The following MTR variants were observed in gnomAD, a reference collection of about 807,000 sequenced individuals.
The protein encoded by MTR is methionine synthase.
MTR carries 84 observed loss-of-function variants against 154.8 expected under a neutral mutation model. That is an observed-to-expected ratio of 0.54 (90% confidence interval 0.45 to 0.65). The LOEUF (loss-of-function observed/expected upper bound fraction) is 0.65. Among genes scored for constraint, MTR ranks in the 30% least tolerant of loss-of-function variants. MTR has a pLI of 0.00. For missense variants in MTR, 1,275 were observed against 1,570.2 expected (o/e 0.81, Z 3.18); for synonymous variants, 554 against 553.9 (o/e 1.00, Z 0.00).
intron 13 of MTR, among the ~76,000 whole-genome samples, chr1:236,835,327 T>G (rs1662843587): frequency 6.6e-6 from 1 of 151,846 alleles, no homozygotes; most frequent in South Asian, 2.1e-4. Flanking sequence ...GAAAACAGCT[T>G]TGGTGGATTC....
intron 25 of MTR, 132 bp downstream of exon 25, chr1:236,880,968 T>C: frequency 3.3e-6 from 3 of 905,234 alleles, no homozygotes; most frequent in Non-Finnish European, 5.4e-6. Flanking sequence ...CTGAGGCTCA[T>C]GGTGTGCCTC....
chr1:236,838,721 C>A, intron 15 of MTR, 122 bp downstream of exon 15: 1 of 983,630 alleles, frequency 1.0e-6, no homozygotes, highest in South Asian at 1.4e-5. Flanking sequence ...TTTCCATATA[C>A]ATTCATGTAC....
chr1:236,807,146 G>A (rs1661031393), intron 3 of MTR, among the ~76,000 whole-genome samples: 1 of 152,062 alleles, frequency 6.6e-6, no homozygotes, highest in Non-Finnish European at 1.5e-5. Flanking sequence ...TTAATTTTTT[G>A]AGGAACTGCC....
intron 19 of MTR, 102 bp downstream of exon 19, chr1:236,860,024 C>G: frequency 1.1e-6 from 1 of 908,566 alleles, no homozygotes; most frequent in Non-Finnish European, 1.7e-6. Context: ...ATGCCTAGAC[C>G]ACTGATTCTC....
intron 15 of MTR, among the ~76,000 whole-genome samples, chr1:236,845,789 A>G (rs1198620971): frequency 6.6e-6 from 1 of 152,344 alleles, no homozygotes; most frequent in East Asian, 1.9e-4. Context: ...AAAATCCTGT[A>G]TACTTTCAAA....
intron 24 of MTR, among the ~76,000 whole-genome samples, chr1:236,877,948 T>A (rs762783880): frequency 3.9e-5 from 6 of 152,246 alleles, no homozygotes; most frequent in Non-Finnish European, 8.8e-5. Flanking sequence ...CTCTGCTGAG[T>A]AATGATGTTG....
At chr1:236,835,510 T>C (rs1218015198) in intron 13 of MTR, 37 bp from the exon 14 acceptor site, 4 of 1,612,244 alleles carry the variant, frequency 2.5e-6, no homozygotes, top group Non-Finnish European at 2.5e-6. Flanking sequence ...CTAGTAACTG[T>C]CTCCTAATGC....
intron 1 of MTR, among the ~76,000 whole-genome samples, chr1:236,798,014 G>T (rs1660498926): frequency 6.6e-6 from 1 of 151,828 alleles, no homozygotes; most frequent in Admixed American, 6.6e-5. Context: ...TAGCAAGTCT[G>T]TGCAAACTAG....
chr1:236,887,681 GGTCC>G (rs1039094261), intron 27 of MTR, among the ~76,000 whole-genome samples: 1 of 152,242 alleles, frequency 6.6e-6, no homozygotes, highest in African/African-American at 2.4e-5. Flanking sequence ...GCTACTGCAG[GGTCC>G]GCCCTGCTGC....
chr1:236,868,824 T>C (rs538951107), intron 22 of MTR, among the ~76,000 whole-genome samples: 1 of 152,276 alleles, frequency 6.6e-6, no homozygotes, highest in South Asian at 2.1e-4. Context: ...TTCAGCTGAG[T>C]GAGGAACATG....
intron 29 of MTR, among the ~76,000 whole-genome samples, chr1:236,893,689 G>T (rs751613964): frequency 6.6e-6 from 1 of 152,160 alleles, no homozygotes; most frequent in Non-Finnish European, 1.5e-5. Flanking sequence ...TACCTTAGTT[G>T]CAGGGAAGAG....
intron 28 of MTR, among the ~76,000 whole-genome samples, chr1:236,890,168 G>A (rs1666238703): frequency 6.6e-6 from 1 of 152,158 alleles, no homozygotes; most frequent in Non-Finnish European, 1.5e-5. Context: ...GCCTGGGTGT[G>A]CGTGTTCGGA....
chr1:236,844,167 C>T (rs1324359936), intron 15 of MTR, among the ~76,000 whole-genome samples: 2 of 151,910 alleles, frequency 1.3e-5, no homozygotes, highest in African/African-American at 2.4e-5. Context: ...CCCTTGGAAG[C>T]CAAGTGAAGA....
intron 22 of MTR, among the ~76,000 whole-genome samples, chr1:236,866,614 A>G (rs1664837582): frequency 6.6e-6 from 1 of 152,248 alleles, no homozygotes; most frequent in Non-Finnish European, 1.5e-5. Context: ...AAAAACTGAA[A>G]TAGGCTGAAA....
chr1:236,803,705 C>A, intron 2 of MTR, 63 bp downstream of exon 2: 1 of 1,498,532 alleles, frequency 6.7e-7, no homozygotes, highest in Non-Finnish European at 9.3e-7. Context: ...TTTCATGTAT[C>A]AGGGCAGGCT....
chr1:236,888,585 T>C (rs1666146631), intron 27 of MTR, among the ~76,000 whole-genome samples: 1 of 152,198 alleles, frequency 6.6e-6, no homozygotes. Flanking sequence ...ATAAATCAGC[T>C]TTTCCTTGCT....
At chr1:236,874,698 C>A in intron 23 of MTR, 28 bp from the exon 24 acceptor site, 1 of 1,358,044 alleles carries the variant, frequency 7.4e-7, no homozygotes. Flanking sequence ...CCTTTTTGTC[C>A]TTTTTTTTTT....
At chr1:236,845,393 A>G (rs1663510099) in intron 15 of MTR, among the ~76,000 whole-genome samples, 1 of 152,256 alleles carries the variant, frequency 6.6e-6, no homozygotes, top group East Asian at 1.9e-4. Context: ...AAAAATGGTC[A>G]AGGTCTGTGT....
In MTR at chr1:236,880,743, C is replaced by T. The variant is rs746332847; in HGVS notation, c.2595-12C>T. The T allele has an allele frequency of 9.3e-6, 15 of 1,611,830 alleles. No individual in the cohort carries two copies. The highest frequency in any genetic ancestry group is 1.3e-5 in the Non-Finnish European group (15 of 1,178,144). ...CTGATGGATATATTTTCTTTCTGAC[C>T]CTTCTTTTTAGAACCCACACAGCAG... On this transcript the variant is annotated splice_polypyrimidine_tract_variant and intron_variant, in intron 24 of 32. Transcript: ENST00000366577.
Sources: gnomAD v4.1 joint callset for allele counts (sites outside exome capture counted in the v4.1 genomes callset) on GRCh38, gnomAD v4.1.1 for gene constraint, MANE v1.5 for transcripts, NCBI Gene and HGNC (gene_info 2026-07-23, HGNC 2026-07-21) for gene names.